Variants in SH3RF3 observed in about 807,000 individuals in gnomAD.
SH3RF3 encodes the protein E3 ubiquitin-protein ligase SH3RF3.
In SH3RF3, 29 loss-of-function variants were observed where a neutral mutation model predicts 66.3. That is an observed-to-expected ratio of 0.44 (90% CI 0.33 to 0.60). SH3RF3 has a LOEUF of 0.60. Among genes scored for constraint, SH3RF3 ranks in the 20% least tolerant of loss-of-function variants. The pLI is 0.04. For missense variants in SH3RF3, 1,194 were observed against 1,190.9 expected, an observed-to-expected ratio of 1.00 and a Z score of -0.04; for synonymous variants, 583 against 532.0, an observed-to-expected ratio of 1.10 and a Z score of -1.32.
At chr2:109,293,953 A>G (rs915659947) in intron 1 of SH3RF3, among the ~76,000 whole-genome samples, 4 of 152,108 alleles carry the variant, frequency 2.6e-5, no homozygotes, top group Non-Finnish European at 5.9e-5. Flanking sequence ...ATGTTCTCCA[A>G]GAGCTTCCCT....
intron 8 of SH3RF3, among the ~76,000 whole-genome samples, chr2:109,469,361 C>T (rs547533527): frequency 2.0e-5 from 3 of 152,028 alleles, no homozygotes; most frequent in Non-Finnish European, 2.9e-5. Context: ...CCTTTACTAG[C>T]CCCCGTGCTT....
At chr2:109,471,926 C>A (rs1678524161) in intron 8 of SH3RF3, among the ~76,000 whole-genome samples, 1 of 152,188 alleles carries the variant, frequency 6.6e-6, no homozygotes, top group African/African-American at 2.4e-5. Flanking sequence ...GTGTGAACAG[C>A]AGTTCATGTA....
chr2:109,274,969 T>A (rs555885655), intron 1 of SH3RF3, among the ~76,000 whole-genome samples: 1 of 152,308 alleles, frequency 6.6e-6, no homozygotes, highest in Non-Finnish European at 1.5e-5. Flanking sequence ...AATTTCCTGT[T>A]ATATGAATTT....
At chr2:109,353,717 G>A (rs1682886224) in intron 2 of SH3RF3, among the ~76,000 whole-genome samples, 1 of 152,078 alleles carries the variant, frequency 6.6e-6, no homozygotes, top group Admixed American at 6.5e-5. Context: ...GCTGTGGAGT[G>A]CACTGCCCTT....
intron 1 of SH3RF3, among the ~76,000 whole-genome samples, chr2:109,166,688 A>G (rs1470999983): frequency 1.3e-5 from 2 of 152,202 alleles, no homozygotes; most frequent in Non-Finnish European, 2.9e-5. Context: ...AAAGACCTGA[A>G]GTTCTTTTTC....
intron 1 of SH3RF3, among the ~76,000 whole-genome samples, chr2:109,176,812 C>CT (rs1162813781): frequency 1.3e-5 from 2 of 152,198 alleles, no homozygotes; most frequent in African/African-American, 4.8e-5. Flanking sequence ...CAGCCGTGAA[C>CT]TTTATCTTAT....
chr2:109,498,792 G>A (rs1250067894), intron 9 of SH3RF3, among the ~76,000 whole-genome samples: 1 of 152,230 alleles, frequency 6.6e-6, no homozygotes, highest in African/African-American at 2.4e-5. Context: ...GATGGGTTGG[G>A]TAAACAGGTG....
chr2:109,152,408 A>G (rs1677243217), intron 1 of SH3RF3, among the ~76,000 whole-genome samples: 1 of 152,226 alleles, frequency 6.6e-6, no homozygotes, highest in African/African-American at 2.4e-5. Flanking sequence ...AATCAAATAA[A>G]TAATTCTGGG....
intron 3 of SH3RF3, among the ~76,000 whole-genome samples, chr2:109,392,517 T>C (rs1676027581): frequency 6.7e-6 from 1 of 149,420 alleles, no homozygotes; most frequent in Non-Finnish European, 1.5e-5. Flanking sequence ...TGCTTCTTCT[T>C]TTTTTTTTTG....
intron 1 of SH3RF3, among the ~76,000 whole-genome samples, chr2:109,202,992 AG>A (rs1666459732): frequency 6.6e-6 from 1 of 152,196 alleles, no homozygotes; most frequent in South Asian, 2.1e-4. Context: ...GTGCCTAACA[AG>A]GTAACACTTG....
At chr2:109,457,754 T>C (rs947153903) in intron 8 of SH3RF3, among the ~76,000 whole-genome samples, 2 of 152,230 alleles carry the variant, frequency 1.3e-5, no homozygotes, top group Non-Finnish European at 2.9e-5. Flanking sequence ...TGGGATTTTT[T>C]TCCAGCCGTC....
At chr2:109,257,830 T>C (rs1458831865) in intron 1 of SH3RF3, among the ~76,000 whole-genome samples, 1 of 152,164 alleles carries the variant, frequency 6.6e-6, no homozygotes, top group Admixed American at 6.5e-5. Context: ...TGGAGGCTTT[T>C]TTGGAAACCC....
chr2:109,405,850 C>T (rs1676439956), intron 4 of SH3RF3, among the ~76,000 whole-genome samples: 1 of 152,240 alleles, frequency 6.6e-6, no homozygotes, highest in Admixed American at 6.5e-5. Context: ...GGGCTAGGTG[C>T]CACTGGCCCA....
chr2:109,464,641 T>G (rs896603121), intron 8 of SH3RF3, among the ~76,000 whole-genome samples: 1 of 152,152 alleles, frequency 6.6e-6, no homozygotes, highest in Non-Finnish European at 1.5e-5. Flanking sequence ...CTTCCAAGAC[T>G]TTTTTTAAAG....
At chr2:109,269,724 A>G (rs1415631194) in intron 1 of SH3RF3, among the ~76,000 whole-genome samples, 2 of 152,200 alleles carry the variant, frequency 1.3e-5, no homozygotes, top group Admixed American at 1.3e-4. Context: ...GGTTGCAGTG[A>G]GGTGAGATCG....
In SH3RF3 at chr2:109,404,790, C is replaced by A. The variant is rs538182837; in HGVS notation, c.1299+5847C>A. ...CTCTGCAGTCCGATCTTGCCCACCA[C>A]CCCTGCTGCTGAAGCTGACCCAGCC... On this transcript the variant is annotated intron_variant, in intron 4 of 9. Coordinates refer to ENST00000309415, the MANE Select transcript of SH3RF3 (RefSeq NM_001099289.3). 1.3e-3 allele frequency among the ~76,000 whole-genome samples: 203 copies of A among 152,282 alleles called. 2 individuals carry two copies. The highest frequency in any genetic ancestry group is 4.6e-3 in the African/African-American group (190 of 41,538).
chr2:109,267,891 AGCT>A (rs901134029), intron 1 of SH3RF3, among the ~76,000 whole-genome samples: 3 of 150,210 alleles, frequency 2.0e-5, no homozygotes, highest in African/African-American at 7.3e-5. Flanking sequence ...GGGAGAAAGG[AGCT>A]GCTGCAGCAC....
intron 9 of SH3RF3, among the ~76,000 whole-genome samples, chr2:109,496,905 G>C (rs1239835875): frequency 6.6e-6 from 1 of 152,192 alleles, no homozygotes; most frequent in Non-Finnish European, 1.5e-5. Flanking sequence ...AGAAGAGAGA[G>C]GCAGAGGAGA....
intron 1 of SH3RF3, among the ~76,000 whole-genome samples, chr2:109,298,568 C>G (rs1040820864): frequency 3.3e-5 from 5 of 152,094 alleles, no homozygotes; most frequent in Admixed American, 2.6e-4. Context: ...TCTGCCAGCC[C>G]TGCAGGAGGA....
Sources: allele counts gnomAD v4.1 joint callset (sites outside exome capture counted in the v4.1 genomes callset), GRCh38; gene constraint gnomAD v4.1.1; transcripts MANE v1.5; gene names NCBI Gene and HGNC (gene_info 2026-07-23, HGNC 2026-07-21).